The following HEYL variants were observed in gnomAD, a reference collection of about 807,000 sequenced individuals.
The protein encoded by HEYL is hes related family bHLH transcription factor with YRPW motif like.
In HEYL, 12 loss-of-function variants were observed where a neutral mutation model predicts 18.6. The observed-to-expected ratio is 0.65, with a 90% confidence interval of 0.41 to 1.05. The LOEUF (loss-of-function observed/expected upper bound fraction) is 1.05. HEYL is among the 50% of genes least tolerant of loss of function. HEYL has a pLI of 0.00. For synonymous variants in HEYL, 159 were observed against 179.6 expected, an observed-to-expected ratio of 0.89 and a Z score of 0.91; for missense variants, 420 against 444.7, an observed-to-expected ratio of 0.94 and a Z score of 0.50.
intron 2 of HEYL, 23 bp from the exon 3 acceptor site, chr1:39,631,602 TA>T: frequency 6.2e-7 from 1 of 1,600,978 alleles, no homozygotes; most frequent in Non-Finnish European, 8.6e-7. Flanking sequence ...GACAAGAAGT[TA>T]CTCACAGGTG....
In HEYL at chr1:39,639,352, G is replaced by A. The variant is rs370164949; in HGVS notation, c.80+194C>T. ...CCCAGCCCTGCACGACCGAGAGCGC[G>A]CAGGATCCAGGCACTCGTGCGTGTA... On this transcript the variant is annotated intron_variant, in intron 1 of 4. Coordinates refer to ENST00000372852, the MANE Select transcript of HEYL (RefSeq NM_014571.4). Among the ~76,000 whole-genome samples, 6 of 152,274 alleles carry A rather than the reference G, an allele frequency of 3.9e-5. No homozygotes were observed. In the East Asian group the frequency reaches 1.2e-3, roughly 29 times the overall value.
chr1:39,638,889 G>A (rs530800158), intron 1 of HEYL, among the ~76,000 whole-genome samples: 6 of 152,208 alleles, frequency 3.9e-5, no homozygotes, highest in Non-Finnish European at 7.3e-5. Flanking sequence ...CTATACAAGC[G>A]CAGTTTGTTC....
Position 39,623,800 on chromosome 1 carries a change from G to C in HEYL, c.*2707C>G, listed in dbSNP as rs1324970773. Among the ~76,000 whole-genome samples, 1 of 152,160 alleles carries C rather than the reference G, an allele frequency of 6.6e-6. No homozygotes were observed. The highest frequency in any genetic ancestry group is 1.5e-5 in the Non-Finnish European group (1 of 68,020). On this transcript the variant is annotated 3_prime_UTR_variant, in exon 5 of 5. Coordinates refer to ENST00000372852, the MANE Select transcript of HEYL (RefSeq NM_014571.4). ...AGCATATGCAAAGTGCTGGAGGTGG[G>C]AACAAGGCTGGAATGTCGAGGAAAT...
intron 4 of HEYL, 43 bp downstream of exon 4, chr1:39,630,184 A>G: frequency 6.4e-7 from 1 of 1,560,486 alleles, no homozygotes; most frequent in Non-Finnish European, 8.8e-7. Flanking sequence ...GCCTCAAAAT[A>G]TTTGTTGTAT....
chr1:39,630,992 G>A (rs982773354), intron 3 of HEYL, among the ~76,000 whole-genome samples: 1 of 152,172 alleles, frequency 6.6e-6, no homozygotes, highest in Non-Finnish European at 1.5e-5. Context: ...CTATGCCTTG[G>A]TGCATAGGGT....
In HEYL at chr1:39,626,871, G is replaced by A. The variant is rs1253888813; in HGVS notation, c.623C>T (p.Ser208Phe). The change falls in exon 5 of 5, where the codon TCC (serine) becomes TTC (phenylalanine). Residue 208 changes from serine (S) to phenylalanine (F), a missense_variant. Transcript: ENST00000372852. ...GGCTGGGATGGGGTAAGCAGGAGAG[G>A]AGACACCGGGGAGGACAGGGCTGGG... ...RVPSPVLPGV[S>F]SPAYPIPALR... is the part of the protein sequence containing the mutation. The A allele has an allele frequency of 3.1e-6, 5 of 1,595,698 alleles. No homozygotes were observed. The highest frequency in any genetic ancestry group is 4.3e-6 in the Non-Finnish European group (5 of 1,170,482).
At chr1:39,634,143 T>C (rs1257588759) in intron 1 of HEYL, among the ~76,000 whole-genome samples, 1 of 152,214 alleles carries the variant, frequency 6.6e-6, no homozygotes, top group East Asian at 1.9e-4. Flanking sequence ...TTGCCCAGGC[T>C]GGAGTGCACT....
rs969235040 is a variant in HEYL, at chr1:39,625,695, C to T, written c.*812G>A. On this transcript the variant is annotated 3_prime_UTR_variant, in exon 5 of 5. Transcript: ENST00000372852. ...TGTAAGACGTGGGGGCTGGGCTCTC[C>T]ATTGCTCAACCCTGGCTCCTGTCTG... 1 of 152,856 alleles carries T rather than the reference C, an allele frequency of 6.5e-6. No homozygotes were observed. Among genetic ancestry groups the T allele is most frequent in the African/African-American group, 2.4e-5 (1 of 41,606 alleles). 9.5% of individuals were successfully genotyped at this position (152,856 alleles called of 1,614,324 possible). A position where few individuals can be genotyped will look rare whatever the true frequency, so the allele number is the denominator to read the frequency against.
Position 39,624,108 on chromosome 1 carries a change from G to A in HEYL, c.*2399C>T, listed in dbSNP as rs1646282253. On this transcript the variant is annotated 3_prime_UTR_variant, in exon 5 of 5. Coordinates refer to ENST00000372852, the MANE Select transcript of HEYL (RefSeq NM_014571.4). ...AGGATGGCTGTGGGTGCAGACAGAAGTGGATGGACTCCAGAGATAGTTTAG... is the reference window on the plus strand; with the variant it reads ...AGGATGGCTGTGGGTGCAGACAGAAATGGATGGACTCCAGAGATAGTTTAG... The A allele has an allele frequency of 6.6e-6, 1 of 152,256 alleles. No individual in the cohort carries two copies. The highest frequency in any genetic ancestry group is 2.1e-4 in the South Asian group (1 of 4,834). The allele number at this position is 152,256 out of a possible 1,614,324, so 9.4% of individuals were successfully genotyped here. A position where few individuals can be genotyped will look rare whatever the true frequency, so the allele number is the denominator to read the frequency against.
chr1:39,638,349 T>G (rs764227701), intron 1 of HEYL, among the ~76,000 whole-genome samples: 1 of 152,134 alleles, frequency 6.6e-6, no homozygotes, highest in African/African-American at 2.4e-5. Flanking sequence ...CCCAACACTT[T>G]GGGAGGCCAA....
At chr1:39,636,353 G>A (rs529059017) in intron 1 of HEYL, among the ~76,000 whole-genome samples, 19 of 150,768 alleles carry the variant, frequency 1.3e-4, no homozygotes, top group Admixed American at 6.0e-4. Context: ...TGCAACCTCC[G>A]CCTCCCAGGT....
chr1:39,631,372 A>C, intron 3 of HEYL, 124 bp downstream of exon 3: 1 of 773,114 alleles, frequency 1.3e-6, no homozygotes, highest in South Asian at 1.5e-5. Context: ...CCAGTGACAG[A>C]TATTGGTAAA....
At chr1:39,627,207 A>T in intron 4 of HEYL, 27 bp from the exon 5 acceptor site, 1 of 1,591,776 alleles carries the variant, frequency 6.3e-7, no homozygotes. Flanking sequence ...GATGAAGGTC[A>T]TGCCAGGTGT....
Position 39,639,534 on chromosome 1 carries a change from C to G in HEYL, c.80+12G>C. On this transcript the variant is annotated intron_variant, in intron 1 of 4. Coordinates refer to ENST00000372852, the MANE Select transcript of HEYL (RefSeq NM_014571.4). ...CCCTCCGCCTGCTCGGTCCCCGCATCCCGGCCCTTACCTCAGCTGGCCCTC... is the reference window on the plus strand; with the variant it reads ...CCCTCCGCCTGCTCGGTCCCCGCATGCCGGCCCTTACCTCAGCTGGCCCTC... 6.3e-7 allele frequency: 1 copy of G among 1,576,730 alleles called. No individual in the cohort carries two copies. The highest frequency in any genetic ancestry group is 8.6e-7 in the Non-Finnish European group (1 of 1,166,396).
At chr1:39,631,081 C>T (rs1646330464) in intron 3 of HEYL, among the ~76,000 whole-genome samples, 1 of 152,218 alleles carries the variant, frequency 6.6e-6, no homozygotes, top group African/African-American at 2.4e-5. Flanking sequence ...GTAGAGTGCT[C>T]ACTCCCTGAG....
In HEYL at chr1:39,639,553, G is replaced by A. The variant is rs1646376793; in HGVS notation, c.73C>T (p.Gln25Ter). ...DGPIDVGQEG[Q>*]LSQMARPLST... Reference sequence around the variant, plus strand: ...CCGCATCCCGGCCCTTACCTCAGCTGGCCCTCTTGGCCCACGTCGATGGGT... The same window carrying A: ...CCGCATCCCGGCCCTTACCTCAGCTAGCCCTCTTGGCCCACGTCGATGGGT... The change falls in exon 1 of 5, where the codon CAG (glutamine) becomes TAG (stop). Residue 25 changes from glutamine to a stop codon, truncating the protein, a stop_gained. Transcript: ENST00000372852. LOFTEE classifies it high-confidence loss of function. 5 of 1,582,842 alleles carry A rather than the reference G, an allele frequency of 3.2e-6. No individual in the cohort carries two copies. Among genetic ancestry groups the A allele is most frequent in the Admixed American group, 1.7e-5 (1 of 58,248 alleles).
At chr1:39,632,893 T>TTGGG in intron 1 of HEYL, 178 bp from the exon 2 acceptor site, 1 of 985,372 alleles carries the variant, frequency 1.0e-6, no homozygotes, top group Non-Finnish European at 1.2e-6. Context: ...TGGGCCCACT[T>TTGGG]TGGGCTCTTG....
chr1:39,637,039 A>C (rs2124123388), intron 1 of HEYL, among the ~76,000 whole-genome samples: 1 of 152,342 alleles, frequency 6.6e-6, no homozygotes, highest in South Asian at 2.1e-4. Context: ...AAGGGGTAAA[A>C]GTCACTGGCC....
intron 2 of HEYL, among the ~76,000 whole-genome samples, chr1:39,632,052 G>A (rs1460028848): frequency 6.6e-6 from 1 of 152,200 alleles, no homozygotes; most frequent in Non-Finnish European, 1.5e-5. Context: ...CAGAACACCG[G>A]GAGCAGGACA....
Sources: gnomAD v4.1 joint callset for allele counts (sites outside exome capture counted in the v4.1 genomes callset) on GRCh38, gnomAD v4.1.1 for gene constraint, MANE v1.5 for transcripts, NCBI Gene and HGNC (gene_info 2026-07-23, HGNC 2026-07-21) for gene names.